Variants in SRGAP1 observed in about 807,000 individuals in gnomAD.
SRGAP1 encodes the protein SLIT-ROBO Rho GTPase activating protein 1.
SRGAP1 carries 43 observed loss-of-function variants against 121.9 expected under a neutral mutation model. The observed-to-expected ratio is 0.35, with a 90% CI of 0.28 to 0.46. The LOEUF (loss-of-function observed/expected upper bound fraction) is 0.46. Ranked by LOEUF, SRGAP1 falls within the 20% of genes least tolerant of loss-of-function variation. The probability of loss-of-function intolerance (pLI) is 1.00; values close to 1 mark genes in which losing one functional copy is unlikely to be tolerated. For missense variants in SRGAP1, 1,102 were observed against 1,350.9 expected (o/e 0.82, Z 2.89); for synonymous variants, 447 against 485.4 (o/e 0.92, Z 1.04).
chr12:63,845,072 C>A (rs573134292), intron 1 of SRGAP1, among the ~76,000 whole-genome samples, 189 bp downstream of exon 1: 1 of 152,262 alleles, frequency 6.6e-6, no homozygotes, highest in Non-Finnish European at 1.5e-5. Flanking sequence ...CCGTCAAACC[C>A]ACGGGGAGCT....
intron 1 of SRGAP1, among the ~76,000 whole-genome samples, chr12:63,898,494 G>A (rs1165771917): frequency 6.6e-6 from 1 of 152,164 alleles, no homozygotes; most frequent in African/African-American, 2.4e-5. Context: ...GGGCACTTCT[G>A]TCTCTGTTCC....
rs2032855362 is a variant in SRGAP1, at chr12:63,968,842, T to C, written c.68-15105T>C. ...CTGAAGTGCCCTGCAGACTGCTCGC[T>C]TGCCTCTGCTCATGGTTACTTGGCA... On this transcript the variant is annotated intron_variant, in intron 1 of 21. Transcript: ENST00000355086. Among the ~76,000 whole-genome samples, 5 of 152,222 alleles carry C rather than the reference T, an allele frequency of 3.3e-5. 1 individual carries two copies. The South Asian group carries it at 1.0e-3, about 32-fold the overall frequency.
At chr12:64,065,018 G>A (rs1329833788) in intron 7 of SRGAP1, 100 bp from the exon 8 acceptor site, 3 of 766,548 alleles carry the variant, frequency 3.9e-6, no homozygotes, top group African/African-American at 1.8e-5. Context: ...GGAACCTTGA[G>A]AGGATTGGTG....
chr12:64,101,512 ATTAT>A (rs1284363447), intron 15 of SRGAP1, among the ~76,000 whole-genome samples: 1 of 152,162 alleles, frequency 6.6e-6, no homozygotes, highest in Admixed American at 6.6e-5. Flanking sequence ...CTTTTTAAAG[ATTAT>A]TTATCTGGAT....
intron 21 of SRGAP1, among the ~76,000 whole-genome samples, chr12:64,129,975 G>GGTTGTTGTTGTTGTTGTT (rs57651653): frequency 6.1e-4 from 93 of 151,234 alleles, no homozygotes; most frequent in African/African-American, 1.4e-3. Context: ...AGCAGGTCGT[G>GGTTGTTGTTGTTGTTGTT]GTTGTTGTTG....
chr12:63,964,691 G>T (rs951223810), intron 1 of SRGAP1, among the ~76,000 whole-genome samples: 1 of 152,142 alleles, frequency 6.6e-6, no homozygotes, highest in African/African-American at 2.4e-5. Flanking sequence ...TGGATGGCTT[G>T]AGAGTGTGTT....
At chr12:63,927,741 C>T (rs998640806) in intron 1 of SRGAP1, among the ~76,000 whole-genome samples, 3 of 152,000 alleles carry the variant, frequency 2.0e-5, no homozygotes, top group African/African-American at 7.3e-5. Context: ...TCACCTGTGT[C>T]CCCCAGAGCT....
chr12:64,142,472 T>C lies in SRGAP1; in HGVS notation c.3058T>C (p.Ser1020Pro). 6.2e-7 allele frequency: 1 copy of C among 1,614,028 alleles called. No homozygotes were observed. ...TTTGCACAACGTTGCCCTCAGGAGC[T>C]CCGAGCCTCAGATTCGACGTAGCAC... ...SPLHNVALRSSEPQIRRSTSS... is the reference protein window; with the variant it reads ...SPLHNVALRSPEPQIRRSTSS... The change falls in exon 22 of 22, where the codon TCC becomes CCC. Residue 1020 changes from serine (S) to proline (P), a missense_variant. This residue lies in a region of SRGAP1 where 315 missense variants were observed against 343.1 expected (regional missense o/e 0.92). Transcript: ENST00000355086.
At chr12:63,895,792 C>G (rs918532394) in intron 1 of SRGAP1, among the ~76,000 whole-genome samples, 1 of 152,174 alleles carries the variant, frequency 6.6e-6, no homozygotes, top group Admixed American at 6.5e-5. Context: ...TCGTTAGCAA[C>G]TAAAAAATAT....
intron 3 of SRGAP1, among the ~76,000 whole-genome samples, chr12:63,992,277 A>G (rs1295527179): frequency 6.6e-6 from 1 of 152,236 alleles, no homozygotes; most frequent in East Asian, 1.9e-4. Flanking sequence ...CCTAGGGCTA[A>G]GAGTCAAACA....
At chr12:64,009,415 A>G (rs1181595392) in intron 3 of SRGAP1, among the ~76,000 whole-genome samples, 5 of 152,142 alleles carry the variant, frequency 3.3e-5, no homozygotes, top group Non-Finnish European at 7.3e-5. Context: ...TGTTTCATCT[A>G]CTTTATTTCC....
rs73319348 is a variant in SRGAP1 at position 64,053,793 on chromosome 12, A to G, written c.802-9124A>G. Among the ~76,000 whole-genome samples, 332 of 152,330 alleles carry G rather than the reference A, an allele frequency of 2.2e-3. 2 individuals are homozygous for G. Among genetic ancestry groups the G allele is most frequent in the African/African-American group, 7.5e-3 (310 of 41,584 alleles). On this transcript the variant is annotated intron_variant, in intron 6 of 21. Transcript: ENST00000355086. Reference sequence around the variant, plus strand: ...AGCCTATAACTTATTATCCTGTAAGAATTAGGATGTGTTACAACTAGAAGA... The same window carrying G: ...AGCCTATAACTTATTATCCTGTAAGGATTAGGATGTGTTACAACTAGAAGA...
chr12:64,046,312 G>T (rs1431312647), intron 6 of SRGAP1, among the ~76,000 whole-genome samples: 1 of 152,148 alleles, frequency 6.6e-6, no homozygotes, highest in East Asian at 1.9e-4. Context: ...CCATTGAAGG[G>T]TTTTTTGAGC....
chr12:63,887,222 C>T (rs1306955446), intron 1 of SRGAP1, among the ~76,000 whole-genome samples: 2 of 152,100 alleles, frequency 1.3e-5, no homozygotes, highest in Non-Finnish European at 2.9e-5. Flanking sequence ...TCAGTGACCC[C>T]AGAAGGCAAC....
intron 1 of SRGAP1, among the ~76,000 whole-genome samples, chr12:63,878,360 C>A (rs1432436481): frequency 6.6e-6 from 1 of 152,158 alleles, no homozygotes; most frequent in Non-Finnish European, 1.5e-5. Flanking sequence ...TGGCTGTATT[C>A]TAATAAAGTT....
chr12:63,886,813 A>G (rs1057120289), intron 1 of SRGAP1, among the ~76,000 whole-genome samples: 1 of 151,726 alleles, frequency 6.6e-6, no homozygotes, highest in Non-Finnish European at 1.5e-5. Context: ...CTGAATTTAA[A>G]TAATTCAGAA....
At chr12:64,047,788 TA>T (rs1319112091) in intron 6 of SRGAP1, among the ~76,000 whole-genome samples, 1 of 152,120 alleles carries the variant, frequency 6.6e-6, no homozygotes, top group Non-Finnish European at 1.5e-5. Context: ...ATGTGTATTG[TA>T]AAAAACCAGA....
Position 64,006,990 on chromosome 12 carries a change from C to T in SRGAP1, c.427-9960C>T, listed in dbSNP as rs530527214. Among the ~76,000 whole-genome samples, 16 of 152,216 alleles carry T rather than the reference C, an allele frequency of 1.1e-4. No individual in the cohort carries two copies. The South Asian group carries it at 2.9e-3, about 28-fold the overall frequency. ...TAATCCTGATTCATAGATTCTTGGG[C>T]TTATAATCTATGCAGACATGGATTT... is the stretch of plus-strand genomic sequence containing the variant. On this transcript the variant is annotated intron_variant, in intron 3 of 21. Transcript: ENST00000355086.
At chr12:63,933,542 A>C (rs1332352386) in intron 1 of SRGAP1, among the ~76,000 whole-genome samples, 11 of 152,204 alleles carry the variant, frequency 7.2e-5, no homozygotes, top group Non-Finnish European at 1.3e-4. Flanking sequence ...ACAAACACAA[A>C]AAGCAGGTTA....
Sources: gnomAD v4.1 joint callset for allele counts (sites outside exome capture counted in the v4.1 genomes callset) on GRCh38, gnomAD v4.1.1 for gene constraint, gnomAD v4.1.1 regional missense constraint, MANE v1.5 for transcripts, NCBI Gene and HGNC (gene_info 2026-07-23, HGNC 2026-07-21) for gene names.